Variants in CREB5 observed in about 807,000 individuals in gnomAD.
CREB5 encodes the protein cyclic AMP-responsive element-binding protein 5.
Under a neutral mutation model 57.1 loss-of-function variants are expected in CREB5, and 19 were observed. The ratio of observed to expected loss-of-function variants is 0.33; its 90% CI spans 0.23 to 0.49. The LOEUF (loss-of-function observed/expected upper bound fraction) is 0.49, where lower values mean the gene tolerates loss of function less well. Among genes scored for constraint, CREB5 ranks in the 20% least tolerant of loss-of-function variants. CREB5 has a pLI of 0.99. For synonymous variants in CREB5, 238 were observed against 238.3 expected (o/e 1.00, Z 0.01); for missense variants, 579 against 671.6 (o/e 0.86, Z 1.52).
At chr7:28,387,026 T>C (rs1427091382) in intron 1 of CREB5, among the ~76,000 whole-genome samples, 1 of 152,226 alleles carries the variant, frequency 6.6e-6, no homozygotes, top group Non-Finnish European at 1.5e-5. Flanking sequence ...TGAATAGTGC[T>C]GCAGTGAATA....
intron 1 of CREB5, among the ~76,000 whole-genome samples, chr7:28,440,141 A>C (rs1789126023): frequency 6.6e-6 from 1 of 152,168 alleles, no homozygotes; most frequent in African/African-American, 2.4e-5. Flanking sequence ...TCTCCACGTG[A>C]CAGTAAATTA....
chr7:28,633,710 A>G (rs1199990031), intron 5 of CREB5, among the ~76,000 whole-genome samples: 1 of 152,180 alleles, frequency 6.6e-6, no homozygotes, highest in African/African-American at 2.4e-5. Flanking sequence ...GGTGGGGTTC[A>G]TGGTAGAGTT....
At chr7:28,746,558 A>C (rs1176260213) in intron 7 of CREB5, among the ~76,000 whole-genome samples, 1 of 152,226 alleles carries the variant, frequency 6.6e-6, no homozygotes, top group Non-Finnish European at 1.5e-5. Context: ...GGAACTAATG[A>C]ACCTTAAGAG....
At chr7:28,436,318 T>C (rs947428971) in intron 1 of CREB5, among the ~76,000 whole-genome samples, 6 of 152,170 alleles carry the variant, frequency 3.9e-5, no homozygotes, top group Non-Finnish European at 4.4e-5. Flanking sequence ...TAAACATATC[T>C]GAGAACTCAG....
chr7:28,587,889 C>T (rs1268882542), intron 5 of CREB5, among the ~76,000 whole-genome samples: 3 of 152,118 alleles, frequency 2.0e-5, no homozygotes, highest in Non-Finnish European at 4.4e-5. Flanking sequence ...ACAGATTTTG[C>T]CCTTTCCCCA....
chr7:28,566,324 C>T (rs952316017), intron 4 of CREB5, among the ~76,000 whole-genome samples: 3 of 152,212 alleles, frequency 2.0e-5, no homozygotes, highest in African/African-American at 7.2e-5. Context: ...ATTTGACAAG[C>T]ATGATTTTTA....
chr7:28,814,686 C>A (rs1002118957), intron 9 of CREB5, among the ~76,000 whole-genome samples: 1 of 152,136 alleles, frequency 6.6e-6, no homozygotes, highest in Non-Finnish European at 1.5e-5. Flanking sequence ...CTGGAAGGAA[C>A]TTTCTGGAAG....
At chr7:28,731,018 A>T (rs776833607) in intron 7 of CREB5, among the ~76,000 whole-genome samples, 1 of 152,144 alleles carries the variant, frequency 6.6e-6, no homozygotes. Context: ...AACTCTCTAG[A>T]CCTCATCAAC....
At chr7:28,379,650 T>G (rs1005617068) in intron 1 of CREB5, among the ~76,000 whole-genome samples, 1 of 152,304 alleles carries the variant, frequency 6.6e-6, no homozygotes, top group African/African-American at 2.4e-5. Context: ...GGGTTACACA[T>G]GCCCCGAAAG....
intron 1 of CREB5, among the ~76,000 whole-genome samples, chr7:28,323,472 A>T (rs1193668621): frequency 6.6e-6 from 1 of 152,084 alleles, no homozygotes; most frequent in Non-Finnish European, 1.5e-5. Context: ...TCAGCAGTTA[A>T]TCTACCCATA....
At chr7:28,718,982 A>C in intron 6 of CREB5, 103 bp downstream of exon 6, 1 of 1,546,598 alleles carries the variant, frequency 6.5e-7, no homozygotes. Context: ...ATGGGAAAGA[A>C]GGCGACTGCT....
chr7:28,306,722 G>T (rs553108334), intron 1 of CREB5, among the ~76,000 whole-genome samples: 1 of 151,992 alleles, frequency 6.6e-6, no homozygotes, highest in Admixed American at 6.5e-5. Flanking sequence ...CACTATGCCC[G>T]GCTAATTTTT....
At chr7:28,430,990 G>T (rs377723604) in intron 1 of CREB5, among the ~76,000 whole-genome samples, 1 of 152,186 alleles carries the variant, frequency 6.6e-6, no homozygotes, top group African/African-American at 2.4e-5. Context: ...CTGTTGGCTG[G>T]CTTCCGATTC....
chr7:28,405,558 G>A (rs1235292125), intron 1 of CREB5, among the ~76,000 whole-genome samples: 2 of 152,080 alleles, frequency 1.3e-5, no homozygotes, highest in Non-Finnish European at 2.9e-5. Context: ...GACCACAGGT[G>A]CACACCACCA....
chr7:28,802,437 A>G lies in CREB5; in HGVS notation c.703-1762A>G, dbSNP rs145081356. On this transcript the variant is annotated intron_variant, in intron 7 of 10. Transcript: ENST00000357727. ...TGGTTGAGAATCATTAATATTGTAC[A>G]GTGTTAGAGCATAGTAGCTTTGATC... Among the ~76,000 whole-genome samples, 322 of 152,240 alleles carry G rather than the reference A, an allele frequency of 2.1e-3. 1 individual carries two copies. The highest frequency in any genetic ancestry group is 7.1e-3 in the African/African-American group (295 of 41,528).
chr7:28,303,037 G>A (rs1221641618), intron 1 of CREB5, among the ~76,000 whole-genome samples: 2 of 151,844 alleles, frequency 1.3e-5, no homozygotes, highest in East Asian at 3.9e-4. Context: ...TGTAGCTTGG[G>A]AGGTGCTGGC....
intron 4 of CREB5, among the ~76,000 whole-genome samples, chr7:28,511,569 C>T (rs936961862): frequency 2.0e-5 from 3 of 152,286 alleles, no homozygotes; most frequent in Admixed American, 6.5e-5. Flanking sequence ...ACTGCAGCCT[C>T]GACCTCTTGG....
chr7:28,659,150 T>C (rs1156781819), intron 5 of CREB5, among the ~76,000 whole-genome samples: 2 of 151,762 alleles, frequency 1.3e-5, no homozygotes, highest in African/African-American at 2.4e-5. Flanking sequence ...TTAATAAACA[T>C]ACTAGGTGGA....
At chr7:28,376,927 G>A (rs1419664623) in intron 1 of CREB5, among the ~76,000 whole-genome samples, 1 of 152,206 alleles carries the variant, frequency 6.6e-6, no homozygotes, top group African/African-American at 2.4e-5. Context: ...ATGTTATGAA[G>A]TTGATGATTC....
Sources: gnomAD v4.1 joint callset for allele counts (sites outside exome capture counted in the v4.1 genomes callset) on GRCh38, gnomAD v4.1.1 for gene constraint, MANE v1.5 for transcripts, NCBI Gene and HGNC (gene_info 2026-07-23, HGNC 2026-07-21) for gene names.